Variants in SPMAP2L observed in about 807,000 individuals in gnomAD.
SPMAP2L encodes the protein sperm microtubule associated protein 2 like.
the SPMAP2L span, among the ~76,000 whole-genome samples, chr4:56,616,819 G>T: frequency 6.6e-6 from 1 of 152,170 alleles, no homozygotes; most frequent in Non-Finnish European, 1.5e-5. Context: ...CAGATGTTTA[G>T]TGCAAGGTGT....
chr4:56,567,442 GTTTT>G, the SPMAP2L span, among the ~76,000 whole-genome samples: 21 of 65,578 alleles, frequency 3.2e-4, no homozygotes, highest in South Asian at 9.5e-3. Flanking sequence ...AATTTTGGTG[GTTTT>G]TTTTTTTTTT....
the SPMAP2L span, among the ~76,000 whole-genome samples, chr4:56,619,986 T>C: frequency 2.0e-5 from 3 of 152,250 alleles, no homozygotes; most frequent in Non-Finnish European, 4.4e-5. Flanking sequence ...CATAGGCAGC[T>C]CTACCAGGCA....
At chr4:56,602,620 GGGA>G in the SPMAP2L span, among the ~76,000 whole-genome samples, 12 of 152,098 alleles carry the variant, frequency 7.9e-5, no homozygotes, top group Non-Finnish European at 1.3e-4. Flanking sequence ...ACTTGAGCCT[GGGA>G]GGAGGAGGTT....
At chr4:56,561,836 G>A in the SPMAP2L span, among the ~76,000 whole-genome samples, 2 of 152,120 alleles carry the variant, frequency 1.3e-5, no homozygotes, top group Admixed American at 1.3e-4. Context: ...CGATTCTCCT[G>A]CCTCAACCTC....
the SPMAP2L span, among the ~76,000 whole-genome samples, chr4:56,584,875 G>A: frequency 6.6e-6 from 1 of 152,184 alleles, no homozygotes; most frequent in African/African-American, 2.4e-5. Context: ...GCCTGTGGAA[G>A]GCTGTTATGG....
chr4:56,595,407 C>T, the SPMAP2L span: 1 of 1,605,044 alleles, frequency 6.2e-7, no homozygotes, highest in Non-Finnish European at 8.5e-7. Context: ...CAGAGCTGGA[C>T]AGATTCTGTG....
chr4:56,575,248 C>A, the SPMAP2L span, among the ~76,000 whole-genome samples: 37 of 140,058 alleles, frequency 2.6e-4, no homozygotes, highest in Admixed American at 2.8e-4. Context: ...GACTCCATCT[C>A]AAAAAAAAAA....
At chr4:56,616,111 T>C in the SPMAP2L span, among the ~76,000 whole-genome samples, 1 of 152,150 alleles carries the variant, frequency 6.6e-6, no homozygotes, top group Non-Finnish European at 1.5e-5. Flanking sequence ...TAAAGTGTCA[T>C]AGTCCAGGTG....
At chr4:56,551,461 C>G in the SPMAP2L span, among the ~76,000 whole-genome samples, 1 of 151,346 alleles carries the variant, frequency 6.6e-6, no homozygotes, top group African/African-American at 2.4e-5. Context: ...CAAGTTTAGT[C>G]CCTACAGGAG....
At chr4:56,575,383 GATC>G in the SPMAP2L span, 1 of 1,138,324 alleles carries the variant, frequency 8.8e-7, no homozygotes, top group Non-Finnish European at 1.2e-6. Context: ...ATGGAAAATA[GATC>G]ATCAATAATA....
chr4:56,555,675 A>AT, the SPMAP2L span, among the ~76,000 whole-genome samples: 4 of 151,612 alleles, frequency 2.6e-5, no homozygotes, highest in African/African-American at 2.4e-5. Context: ...TCTTTTATGT[A>AT]TTTTTTTGGA....
the SPMAP2L span, among the ~76,000 whole-genome samples, chr4:56,617,947 C>T: frequency 1.2e-3 from 176 of 152,314 alleles, no homozygotes; most frequent in Admixed American, 3.3e-3. Flanking sequence ...TTGGCGTGCT[C>T]TTCCACCAGT....
the SPMAP2L span, among the ~76,000 whole-genome samples, chr4:56,544,399 G>T: frequency 1.3e-5 from 2 of 152,114 alleles, no homozygotes; most frequent in African/African-American, 2.4e-5. Context: ...CTTTACTGAA[G>T]AATAATTTTT....
the SPMAP2L span, among the ~76,000 whole-genome samples, chr4:56,551,547 G>A: frequency 1.3e-5 from 2 of 152,088 alleles, no homozygotes; most frequent in Non-Finnish European, 2.9e-5. Flanking sequence ...ATATGGTTTT[G>A]TCAACAACAT....
At chr4:56,546,302 A>G in the SPMAP2L span, among the ~76,000 whole-genome samples, 1 of 152,182 alleles carries the variant, frequency 6.6e-6, no homozygotes, top group African/African-American at 2.4e-5. Context: ...CTTGCCTTAG[A>G]TCAGAAGTTA....
the SPMAP2L span, among the ~76,000 whole-genome samples, chr4:56,563,955 T>A: frequency 6.6e-6 from 1 of 152,146 alleles, no homozygotes; most frequent in East Asian, 1.9e-4. Context: ...AAATATTTAG[T>A]GGAATTCTCC....
At chr4:56,530,747 T>C in the SPMAP2L span, 29 of 1,535,160 alleles carry the variant, frequency 1.9e-5, no homozygotes, top group African/African-American at 2.7e-4. Context: ...TCAACAGAAA[T>C]ATCCACTTGC....
chr4:56,542,627 C>T, the SPMAP2L span, among the ~76,000 whole-genome samples: 1 of 151,966 alleles, frequency 6.6e-6, no homozygotes, highest in African/African-American at 2.4e-5. Context: ...GTAAAATATC[C>T]CATATTGCAG....
At chr4:56,546,598 A>G in the SPMAP2L span, among the ~76,000 whole-genome samples, 312 of 152,374 alleles carry the variant, frequency 2.0e-3, no homozygotes, top group African/African-American at 7.3e-3. Flanking sequence ...CATCCTGCCA[A>G]TTAGTGAGAT....
Sources: allele counts gnomAD v4.1 joint callset (sites outside exome capture counted in the v4.1 genomes callset), GRCh38; gene constraint gnomAD v4.1.1; transcripts MANE v1.5; gene names NCBI Gene and HGNC (gene_info 2026-07-23, HGNC 2026-07-21).